Variants in PARD3B observed in about 807,000 individuals in gnomAD.
The protein encoded by PARD3B is partitioning defective 3 homolog B.
A neutral mutation model predicts 130.2 loss-of-function variants in PARD3B; 103 were observed. The observed-to-expected ratio is 0.79, with a 90% CI of 0.67 to 0.93. The LOEUF (loss-of-function observed/expected upper bound fraction) is 0.93. PARD3B is among the 40% of genes least tolerant of loss of function. The pLI, the probability that PARD3B is intolerant of heterozygous loss-of-function variation, is 0.00. For missense variants in PARD3B, 1,609 were observed against 1,499.2 expected (o/e 1.07, Z -1.21); for synonymous variants, 583 against 553.2 (o/e 1.05, Z -0.76).
In PARD3B at chr2:205,164,822, T is replaced by TACACACACACACACACAC. The variant is rs71032448; in HGVS notation, c.1620+5924_1620+5941dup. 6.2e-4 allele frequency among the ~76,000 whole-genome samples: 91 copies of TACACACACACACACACAC among 147,352 alleles called. 2 individuals are homozygous for TACACACACACACACACAC. The highest frequency in any genetic ancestry group is 1.7e-3 in the African/African-American group (68 of 39,532). ...GGTACCTATAGGCCATATATATGTATACACACACACACACACACACACACA... is the reference window on the plus strand; with the variant it reads ...GGTACCTATAGGCCATATATATGTATACACACACACACACACACACACACACACACACACACACACACA... On this transcript the variant is annotated intron_variant, in intron 11 of 22. Transcript: ENST00000406610.
intron 2 of PARD3B, among the ~76,000 whole-genome samples, chr2:204,833,868 C>T (rs1340325192): frequency 6.6e-6 from 1 of 152,066 alleles, no homozygotes; most frequent in Non-Finnish European, 1.5e-5. Flanking sequence ...AGTCCAGGGC[C>T]GTTAACGTGA....
At chr2:205,028,803 T>G (rs1290549868) in intron 3 of PARD3B, among the ~76,000 whole-genome samples, 1 of 152,148 alleles carries the variant, frequency 6.6e-6, no homozygotes, top group African/African-American at 2.4e-5. Context: ...CTGTTAAAAC[T>G]AATAAATTCA....
chr2:205,170,224 C>T (rs2035077823), intron 11 of PARD3B, among the ~76,000 whole-genome samples: 1 of 152,296 alleles, frequency 6.6e-6, no homozygotes, highest in South Asian at 2.1e-4. Context: ...GCCACCGTGC[C>T]CAGCCCGTCA....
intron 15 of PARD3B, among the ~76,000 whole-genome samples, chr2:205,200,806 G>T (rs1185565949): frequency 6.6e-6 from 1 of 152,172 alleles, no homozygotes; most frequent in Non-Finnish European, 1.5e-5. Context: ...GGGACGTGAA[G>T]GTATTTTAGA....
intron 16 of PARD3B, among the ~76,000 whole-genome samples, chr2:205,251,100 T>C (rs993184906): frequency 3.3e-5 from 5 of 152,136 alleles, no homozygotes; most frequent in African/African-American, 1.2e-4. Context: ...CACACACATA[T>C]CAAGCTATCT....
intron 2 of PARD3B, among the ~76,000 whole-genome samples, chr2:204,910,709 G>T (rs1049959093): frequency 1.3e-5 from 2 of 152,016 alleles, no homozygotes; most frequent in Non-Finnish European, 2.9e-5. Flanking sequence ...GCGTGATCTC[G>T]GCTCACTGCA....
At position 205,473,646 on chromosome 2, in the gene PARD3B, TTA is replaced by T. The variant is rs1214542381; in HGVS notation, c.3045-26242_3045-26241del. ...TTCTTCTATGTTTCCCAATATAAGG[TTA>T]TATATATGTGTGTGTGTGTGTGTGT... On this transcript the variant is annotated intron_variant, in intron 20 of 22. Transcript: ENST00000406610. The surrounding 1 kb of genome is among the most constrained non-coding windows in gnomAD (Gnocchi z 4.9). Among the ~76,000 whole-genome samples the T allele has an allele frequency of 2.2e-5, 3 of 133,660 alleles. No homozygotes were observed. Among genetic ancestry groups the T allele is most frequent in the South Asian group, 2.4e-4 (1 of 4,226 alleles). The allele number at this position is 133,660 out of a possible 152,430, so 87.7% of individuals were successfully genotyped here.
intron 4 of PARD3B, among the ~76,000 whole-genome samples, chr2:205,089,920 C>T (rs1010493239): frequency 3.3e-5 from 5 of 152,146 alleles, no homozygotes; most frequent in African/African-American, 9.7e-5. Flanking sequence ...ATCATTTTTG[C>T]GTCCAGTTGC....
intron 21 of PARD3B, among the ~76,000 whole-genome samples, chr2:205,546,832 A>T (rs1426654996): frequency 6.6e-6 from 1 of 152,220 alleles, no homozygotes; most frequent in Non-Finnish European, 1.5e-5. Flanking sequence ...TGATTTCTCC[A>T]TATAATGGGA....
At chr2:205,417,813 C>T (rs2046831904) in intron 19 of PARD3B, among the ~76,000 whole-genome samples, 2 of 152,320 alleles carry the variant, frequency 1.3e-5, no homozygotes, top group East Asian at 1.9e-4. Flanking sequence ...GTTGTAGGCA[C>T]CCTGCAGATG....
chr2:205,097,562 C>G (rs946182355), intron 4 of PARD3B, among the ~76,000 whole-genome samples: 1 of 152,094 alleles, frequency 6.6e-6, no homozygotes, highest in African/African-American at 2.4e-5. Context: ...AGTGTGGCTC[C>G]TGGACAAGCA....
intron 18 of PARD3B, among the ~76,000 whole-genome samples, chr2:205,336,201 A>G (rs1365073476): frequency 6.6e-6 from 1 of 152,170 alleles, no homozygotes; most frequent in African/African-American, 2.4e-5. Flanking sequence ...CAGCCTGAGT[A>G]ATTTTGGGTA....
At position 205,562,089 on chromosome 2, in the gene PARD3B, C is replaced by G. The variant is rs1036415711; in HGVS notation, c.3260+8686C>G. Among the ~76,000 whole-genome samples the G allele has an allele frequency of 7.2e-5, 11 of 152,024 alleles. No individual in the cohort carries two copies. The highest frequency in any genetic ancestry group is 2.4e-4 in the African/African-American group (10 of 41,380). On this transcript the variant is annotated intron_variant, in intron 22 of 22. Transcript: ENST00000406610. This position sits in a 1 kb window ranked among gnomAD's most constrained non-coding sequence, Gnocchi z 5.4. ...CAAACTTCCTGAAAATGCAGAAAGC[C>G]CCAGCATGTAATATCACTTTAAGAT...
At chr2:204,820,554 C>T (rs1322179373) in intron 2 of PARD3B, among the ~76,000 whole-genome samples, 4 of 151,922 alleles carry the variant, frequency 2.6e-5, no homozygotes, top group Non-Finnish European at 1.5e-5. Context: ...GGGGCTTACA[C>T]CTGTAATCCC....
At chr2:205,087,696 G>A (rs2125529901) in intron 4 of PARD3B, among the ~76,000 whole-genome samples, 1 of 152,244 alleles carries the variant, frequency 6.6e-6, no homozygotes, top group South Asian at 2.1e-4. Flanking sequence ...TATGAAGAGT[G>A]GTGGTTTGAA....
chr2:204,979,647 G>A (rs1692498704), intron 3 of PARD3B, among the ~76,000 whole-genome samples: 2 of 152,134 alleles, frequency 1.3e-5, no homozygotes, highest in South Asian at 4.1e-4. Context: ...TATGTATAAA[G>A]GTATAGAAAC....
At position 205,172,333 on chromosome 2, in the gene PARD3B, A is replaced by G; in HGVS notation, c.1743A>G (p.Arg581=). The G allele has an allele frequency of 6.2e-7, 1 of 1,614,160 alleles. No individual in the cohort carries two copies. Among genetic ancestry groups the G allele is most frequent in the Non-Finnish European group, 8.5e-7 (1 of 1,180,002 alleles). The part of the protein sequence containing the change: ...RRSMSMEGNI[R]GMIQLVILRR... ...CAATGTCCATGGAGGGAAACATCCGAGGGATGATCCAGTTGGTGATTCTGA... is the reference window on the plus strand; with the variant it reads ...CAATGTCCATGGAGGGAAACATCCGGGGGATGATCCAGTTGGTGATTCTGA... Residue 581 remains arginine, a synonymous_variant, in exon 12 of 23, where the codon CGA becomes CGG. Transcript: ENST00000406610.
At chr2:205,406,659 CT>C (rs777517284) in intron 19 of PARD3B, among the ~76,000 whole-genome samples, 4,942 of 87,416 alleles carry the variant, frequency 0.057, 155 homozygotes, top group African/African-American at 0.14. Context: ...TCTTGTGTAT[CT>C]TTTTTTTTTT....
chr2:205,184,811 C>A (rs1361104330), intron 13 of PARD3B, among the ~76,000 whole-genome samples: 1 of 151,814 alleles, frequency 6.6e-6, no homozygotes, highest in African/African-American at 2.4e-5. Context: ...AAATTTAATT[C>A]TCATATTCCT....
Sources: allele counts gnomAD v4.1 joint callset (sites outside exome capture counted in the v4.1 genomes callset), GRCh38; gene constraint gnomAD v4.1.1; non-coding constraint Gnocchi (gnomAD v3.1); transcripts MANE v1.5; gene names NCBI Gene and HGNC (gene_info 2026-07-23, HGNC 2026-07-21).